The following PLAC1 variants were observed in gnomAD, a reference collection of about 807,000 sequenced individuals.
PLAC1 encodes the protein placenta-specific protein 1.
For missense variants in PLAC1, 136 were observed against 163.2 expected, an observed-to-expected ratio of 0.83 and a Z score of 0.91; for synonymous variants, 68 against 62.1, an observed-to-expected ratio of 1.09 and a Z score of -0.44.
At chrX:134,599,620 A>G (rs1051942149) in intron 2 of PLAC1, 2 of 111,848 alleles carry the variant, frequency 1.8e-5, no homozygotes, top group South Asian at 3.7e-4. Flanking sequence ...TCTGCCTTCT[A>G]TGATTGGGTT....
chrX:134,624,243 T>A (rs182035960), intron 1 of PLAC1, among the ~76,000 whole-genome samples: 2 of 112,164 alleles, frequency 1.8e-5, no homozygotes, highest in African/African-American at 6.5e-5. Flanking sequence ...ACCCCTTGCA[T>A]AACAGGGATT....
chrX:134,696,974 A>G (rs2078566400), intron 2 of PLAC1, among the ~76,000 whole-genome samples: 1 of 107,430 alleles, frequency 9.3e-6, no homozygotes, highest in Non-Finnish European at 1.9e-5. Context: ...CGGAGCTTGC[A>G]GGGAGCCGAG....
chrX:134,717,380 C>T (rs1468169531), intron 2 of PLAC1, among the ~76,000 whole-genome samples: 1 of 111,497 alleles, frequency 9.0e-6, no homozygotes, highest in East Asian at 2.8e-4. Context: ...CCTCTGCTTC[C>T]AGAGTAGCTG....
At chrX:134,697,032 CAA>C (rs375742064) in intron 2 of PLAC1, among the ~76,000 whole-genome samples, 2 of 84,639 alleles carry the variant, frequency 2.4e-5, no homozygotes, top group Admixed American at 1.3e-4. Flanking sequence ...GACTCCATCT[CAA>C]AAAAAAAAAA....
intron 2 of PLAC1, among the ~76,000 whole-genome samples, chrX:134,718,017 G>A (rs1246644551): frequency 8.9e-6 from 1 of 112,225 alleles, no homozygotes; most frequent in Non-Finnish European, 1.9e-5. Context: ...AGAAGACTTA[G>A]AGGCCCATGT....
rs146150544 is a variant in PLAC1, at chrX:134,705,869, T to C, written n.174+27566A>G. On this transcript the variant is annotated intron_variant and non_coding_transcript_variant, in intron 2 of 2. Coordinates refer to the PLAC1 transcript ENST00000466797. ...GAAATAAAAGTAATTTTCCCTACTC[T>C]TTCTGCCAAGTACGGCTAAAAACCC... is the stretch of plus-strand genomic sequence containing the variant. Among the ~76,000 whole-genome samples the C allele has an allele frequency of 2.5e-3, 279 of 112,397 alleles. 2 individuals carry two copies. The highest frequency in any genetic ancestry group is 8.5e-3 in the African/African-American group (264 of 31,012).
chrX:134,727,649 GCAA>G (rs1167814502), intron 2 of PLAC1, among the ~76,000 whole-genome samples: 2 of 112,105 alleles, frequency 1.8e-5, no homozygotes, highest in African/African-American at 6.5e-5. Flanking sequence ...ACAACAAGCA[GCAA>G]CAACAACAAA....
chrX:134,739,955 C>T (rs2078712700), intron 1 of PLAC1, among the ~76,000 whole-genome samples: 1 of 112,069 alleles, frequency 8.9e-6, no homozygotes, highest in East Asian at 2.8e-4. Context: ...ATATTCATAA[C>T]CACATTATCG....
At chrX:134,684,190 GAGC>G (rs2078507887) in intron 2 of PLAC1, among the ~76,000 whole-genome samples, 1 of 110,777 alleles carries the variant, frequency 9.0e-6, no homozygotes, top group Admixed American at 9.6e-5. Context: ...CAAAGGAAGG[GAGC>G]CCACCTGGTG....
chrX:134,689,737 A>G (rs912434542), intron 2 of PLAC1, among the ~76,000 whole-genome samples: 1 of 111,836 alleles, frequency 8.9e-6, no homozygotes, highest in African/African-American at 3.2e-5. Context: ...TCAAACTACA[A>G]TCATTTCTCA....
At chrX:134,636,230 T>C (rs1298097653) in intron 1 of PLAC1, among the ~76,000 whole-genome samples, 1 of 112,095 alleles carries the variant, frequency 8.9e-6, no homozygotes, top group Non-Finnish European at 1.9e-5. Flanking sequence ...AAAGTAGCCT[T>C]GAAAAGGGTT....
At chrX:134,741,070 T>C (rs1192402610) in intron 1 of PLAC1, among the ~76,000 whole-genome samples, 1 of 112,557 alleles carries the variant, frequency 8.9e-6, no homozygotes, top group African/African-American at 3.2e-5. Flanking sequence ...GGTATGTTCA[T>C]TTTGTAAAAA....
intron 2 of PLAC1, chrX:134,601,825 T>C (rs1414374160): frequency 8.9e-6 from 1 of 112,431 alleles, no homozygotes; most frequent in African/African-American, 3.2e-5. Flanking sequence ...TGCATTAATA[T>C]GAATCTTGCA....
chrX:134,603,199 A>G (rs1439028279), intron 1 of PLAC1, among the ~76,000 whole-genome samples: 1 of 89,358 alleles, frequency 1.1e-5, no homozygotes, highest in Non-Finnish European at 2.1e-5. Flanking sequence ...GTTGCCTCTG[A>G]GGAGTGGGAC....
intron 2 of PLAC1, among the ~76,000 whole-genome samples, chrX:134,573,971 C>T (rs2077923655): frequency 9.0e-6 from 1 of 111,154 alleles, no homozygotes; most frequent in Admixed American, 9.6e-5. Context: ...TGTTAGCGAG[C>T]CTACAATTTG....
At chrX:134,708,929 T>C (rs1356327228) in intron 2 of PLAC1, among the ~76,000 whole-genome samples, 2 of 111,900 alleles carry the variant, frequency 1.8e-5, no homozygotes, top group African/African-American at 6.5e-5. Context: ...TTAGTTTTGA[T>C]ACTGTACTCT....
intron 2 of PLAC1, among the ~76,000 whole-genome samples, chrX:134,730,752 A>G (rs747899064): frequency 1.4e-4 from 16 of 111,233 alleles, no homozygotes; most frequent in African/African-American, 5.2e-4. Context: ...CCTGTCCCAA[A>G]CTCCTCTGAT....
At chrX:134,707,759 A>T (rs764181940) in intron 2 of PLAC1, among the ~76,000 whole-genome samples, 110 of 112,347 alleles carry the variant, frequency 9.8e-4, no homozygotes, top group South Asian at 2.2e-3. Context: ...ATTTTTTTTT[A>T]AAATTATGTT....
intron 1 of PLAC1, among the ~76,000 whole-genome samples, chrX:134,629,922 G>T (rs879204851): frequency 9.1e-6 from 1 of 109,440 alleles, no homozygotes; most frequent in Non-Finnish European, 1.9e-5. Flanking sequence ...GGACACGTTG[G>T]TGTTTGATAA....
Sources: gnomAD v4.1 joint callset for allele counts (sites outside exome capture counted in the v4.1 genomes callset) on GRCh38, gnomAD v4.1.1 for gene constraint, MANE v1.5 for transcripts, NCBI Gene and HGNC (gene_info 2026-07-23, HGNC 2026-07-21) for gene names.